The following CCBE1 variants were observed in gnomAD, a reference collection of about 807,000 sequenced individuals.
CCBE1 encodes the protein collagen and calcium-binding EGF domain-containing protein 1.
CCBE1 carries 37 observed loss-of-function variants against 50.0 expected under a neutral mutation model. That is an observed-to-expected ratio of 0.74 (90% CI 0.57 to 0.97). CCBE1 has a LOEUF of 0.97. Ranked by LOEUF, CCBE1 falls within the 50% of genes least tolerant of loss-of-function variation. The probability of loss-of-function intolerance (pLI) is 0.00; values close to 1 mark genes in which losing one functional copy is unlikely to be tolerated. For synonymous variants in CCBE1, 234 were observed against 203.7 expected (o/e 1.15, Z -1.27); for missense variants, 538 against 523.8 (o/e 1.03, Z -0.26).
Position 59,433,689 on chromosome 18 carries a change from C to G in CCBE1, c.*2219G>C, listed in dbSNP as rs1367836146. On this transcript the variant is annotated 3_prime_UTR_variant, in exon 11 of 11. Coordinates refer to ENST00000439986, the MANE Select transcript of CCBE1 (RefSeq NM_133459.4). ...GCACGATCTCGGCTCAGCGCAAGCT[C>G]CGCCTCCCAGGTTCACGCCATTCTC... The G allele has an allele frequency of 1.1e-4, 17 of 150,862 alleles. No homozygotes were observed. Among genetic ancestry groups the G allele is most frequent in the Admixed American group, 1.1e-3 (17 of 15,146 alleles). The allele number at this position is 150,862 out of a possible 1,614,324, so 9.3% of individuals were successfully genotyped here.
At chr18:59,645,803 G>A (rs1162944300) in intron 2 of CCBE1, among the ~76,000 whole-genome samples, 1 of 152,184 alleles carries the variant, frequency 6.6e-6, no homozygotes, top group Non-Finnish European at 1.5e-5. Flanking sequence ...AGGCCAAGGT[G>A]GGCGGATCAC....
intron 2 of CCBE1, among the ~76,000 whole-genome samples, chr18:59,513,554 G>A (rs144600890): frequency 3.3e-5 from 5 of 152,336 alleles, no homozygotes; most frequent in South Asian, 4.1e-4. Flanking sequence ...GGAGGCAGGT[G>A]GCAGGACAGG....
chr18:59,594,971 G>A (rs190154873), intron 2 of CCBE1, among the ~76,000 whole-genome samples: 1 of 152,092 alleles, frequency 6.6e-6, no homozygotes, highest in East Asian at 1.9e-4. Context: ...AATTAACCAG[G>A]CATGGTGGCA....
chr18:59,562,286 T>C (rs1357908332), intron 2 of CCBE1, among the ~76,000 whole-genome samples: 4 of 152,204 alleles, frequency 2.6e-5, no homozygotes, highest in Admixed American at 6.5e-5. Context: ...AATCCATTGG[T>C]AAACCAGGAA....
intron 2 of CCBE1, among the ~76,000 whole-genome samples, chr18:59,543,749 G>A (rs555750942): frequency 6.6e-6 from 1 of 150,558 alleles, no homozygotes; most frequent in South Asian, 2.1e-4. Flanking sequence ...GCAGGAGAAT[G>A]GCGTGAACCC....
intron 2 of CCBE1, among the ~76,000 whole-genome samples, chr18:59,693,038 T>C (rs1328295751): frequency 6.6e-6 from 1 of 151,820 alleles, no homozygotes; most frequent in East Asian, 1.9e-4. Context: ...TATCTCATCT[T>C]GTTTTCTGTG....
chr18:59,678,611 C>A (rs2054541677), intron 2 of CCBE1, among the ~76,000 whole-genome samples: 2 of 152,180 alleles, frequency 1.3e-5, no homozygotes, highest in South Asian at 4.1e-4. Flanking sequence ...CCGCTCAGTG[C>A]AACCTCTGCC....
intron 2 of CCBE1, among the ~76,000 whole-genome samples, chr18:59,599,420 TA>T (rs2053400578): frequency 6.6e-6 from 1 of 152,206 alleles, no homozygotes; most frequent in Non-Finnish European, 1.5e-5. Context: ...CATACCTGGA[TA>T]AAACAGAAGC....
At chr18:59,593,067 G>A (rs911352847) in intron 2 of CCBE1, among the ~76,000 whole-genome samples, 1 of 152,168 alleles carries the variant, frequency 6.6e-6, no homozygotes, top group African/African-American at 2.4e-5. Context: ...TGGGAGATAT[G>A]GAAGGGTTTG....
At chr18:59,462,136 C>T (rs763252955) in intron 5 of CCBE1, among the ~76,000 whole-genome samples, 12 of 152,168 alleles carry the variant, frequency 7.9e-5, no homozygotes, top group Non-Finnish European at 1.6e-4. Context: ...ATTATAGTCA[C>T]TTGTAACTGT....
At chr18:59,455,235 G>A (rs989117834) in intron 5 of CCBE1, 42 of 508,920 alleles carry the variant, frequency 8.3e-5, no homozygotes, top group Middle Eastern at 5.5e-4. Flanking sequence ...GTGAAAATGC[G>A]TACCATGGCC....
intron 2 of CCBE1, among the ~76,000 whole-genome samples, chr18:59,569,048 C>T (rs2052869110): frequency 6.6e-6 from 1 of 152,212 alleles, no homozygotes; most frequent in South Asian, 2.1e-4. Context: ...CTTTTCCTCT[C>T]TGCAGAGGGG....
chr18:59,645,236 CA>C (rs2054041202), intron 2 of CCBE1, among the ~76,000 whole-genome samples: 1 of 152,112 alleles, frequency 6.6e-6, no homozygotes. Context: ...TCAACAACAA[CA>C]ACAAAAAAGC....
intron 2 of CCBE1, among the ~76,000 whole-genome samples, chr18:59,689,413 G>A (rs1191048865): frequency 2.0e-5 from 3 of 152,172 alleles, no homozygotes; most frequent in Non-Finnish European, 2.9e-5. Flanking sequence ...CCAATAAGGT[G>A]GCAACATATT....
intron 2 of CCBE1, among the ~76,000 whole-genome samples, chr18:59,598,096 G>A (rs1342542226): frequency 2.0e-5 from 3 of 152,152 alleles, no homozygotes; most frequent in African/African-American, 4.8e-5. Flanking sequence ...CCAGTATCAT[G>A]CCCTCATCTT....
In CCBE1 at chr18:59,693,003, CAA is replaced by C. The variant is rs1555710565; in HGVS notation, c.212+3624_212+3625del. Among the ~76,000 whole-genome samples, 81 of 146,078 alleles carry C rather than the reference CAA, an allele frequency of 5.5e-4. 1 individual carries two copies. In the South Asian group the frequency reaches 0.013, roughly 23 times the overall value. Reference sequence around the variant, plus strand: ...ACACACACACACACACACACACACACAAACAAAAAACGCAAAGCCAAACCTAT... The same window carrying C: ...ACACACACACACACACACACACACACACAAAAAACGCAAAGCCAAACCTAT... On this transcript the variant is annotated intron_variant, in intron 2 of 10. Transcript: ENST00000439986.
chr18:59,673,543 C>G (rs1040155224), intron 2 of CCBE1, among the ~76,000 whole-genome samples: 1 of 152,164 alleles, frequency 6.6e-6, no homozygotes, highest in African/African-American at 2.4e-5. Flanking sequence ...AAGTGCTCGG[C>G]ACATACTTCT....
intron 2 of CCBE1, among the ~76,000 whole-genome samples, chr18:59,601,469 C>T (rs1386931563): frequency 6.6e-6 from 1 of 152,146 alleles, no homozygotes; most frequent in African/African-American, 2.4e-5. Context: ...CATCTTCCAC[C>T]ATGATTGTGA....
At chr18:59,630,378 T>C (rs572388866) in intron 2 of CCBE1, among the ~76,000 whole-genome samples, 26 of 152,384 alleles carry the variant, frequency 1.7e-4, no homozygotes, top group African/African-American at 5.8e-4. Context: ...TGGTCTTTAC[T>C]TTCTCATTAA....
Sources: gnomAD v4.1 joint callset for allele counts (sites outside exome capture counted in the v4.1 genomes callset) on GRCh38, gnomAD v4.1.1 for gene constraint, MANE v1.5 for transcripts, NCBI Gene and HGNC (gene_info 2026-07-23, HGNC 2026-07-21) for gene names.